The following MAGI1 variants were observed in gnomAD, a reference collection of about 807,000 sequenced individuals.
The protein encoded by MAGI1 is membrane associated guanylate kinase, WW and PDZ domain containing 1.
In MAGI1, 58 loss-of-function variants were observed where a neutral mutation model predicts 139.9. That is an observed-to-expected ratio of 0.41 (90% CI 0.34 to 0.52). MAGI1 has a LOEUF of 0.52. Ranked by LOEUF, MAGI1 falls within the 20% of genes least tolerant of loss-of-function variation. MAGI1 has a pLI of 0.12. For synonymous variants in MAGI1, 812 were observed against 737.9 expected (o/e 1.10, Z -1.63); for missense variants, 1,874 against 1,901.6 (o/e 0.99, Z 0.27).
chr3:65,800,231 G>T (rs1040502018), intron 1 of MAGI1, among the ~76,000 whole-genome samples: 7 of 152,128 alleles, frequency 4.6e-5, no homozygotes, highest in African/African-American at 1.7e-4. Flanking sequence ...TGCTAATCCT[G>T]ATCATCAGCT....
intron 18 of MAGI1, among the ~76,000 whole-genome samples, chr3:65,372,645 G>A (rs1942115881): frequency 6.6e-6 from 1 of 152,132 alleles, no homozygotes. Context: ...ATAGAAGACT[G>A]TTTTGTCTAC....
At chr3:65,564,369 C>A (rs988425907) in intron 2 of MAGI1, among the ~76,000 whole-genome samples, 1 of 152,104 alleles carries the variant, frequency 6.6e-6, no homozygotes, top group Non-Finnish European at 1.5e-5. Context: ...CCATCTTCTG[C>A]CCCTGTTTTT....
chr3:65,783,442 G>A (rs2039098456), intron 1 of MAGI1, among the ~76,000 whole-genome samples: 1 of 151,830 alleles, frequency 6.6e-6, no homozygotes, highest in Non-Finnish European at 1.5e-5. Context: ...GAGGCCAGGA[G>A]ATCAAGACAA....
intron 1 of MAGI1, among the ~76,000 whole-genome samples, chr3:65,916,762 G>C (rs2108706082): frequency 6.6e-6 from 1 of 151,696 alleles, no homozygotes; most frequent in Non-Finnish European, 1.5e-5. Context: ...TCTTACTTAA[G>C]TACATGTATC....
chr3:65,731,665 A>T lies in MAGI1; in HGVS notation c.314-109577T>A, dbSNP rs78223956. Among the ~76,000 whole-genome samples, 339 of 52,750 alleles carry T rather than the reference A, an allele frequency of 6.4e-3. 1 individual carries two copies. Among genetic ancestry groups the T allele is most frequent in the African/African-American group, 0.021 (232 of 10,844 alleles). The allele number at this position is 52,750 out of a possible 152,430, so 34.6% of individuals were successfully genotyped here. On this transcript the variant is annotated intron_variant, in intron 1 of 22. Coordinates refer to ENST00000402939, the MANE Select transcript of MAGI1 (RefSeq NM_001033057.2). Reference sequence around the variant, plus strand: ...GTGAGACTCTGTCTCAAAAAATTTAAAAAAAAAAAAAAAAAGAAAGAAAGA... The same window carrying T: ...GTGAGACTCTGTCTCAAAAAATTTATAAAAAAAAAAAAAAAGAAAGAAAGA...
At chr3:65,443,539 G>A (rs971709909) in intron 7 of MAGI1, among the ~76,000 whole-genome samples, 2 of 152,186 alleles carry the variant, frequency 1.3e-5, no homozygotes, top group African/African-American at 4.8e-5. Context: ...ACTCAACCAT[G>A]CTCTACAGAA....
chr3:65,762,975 A>G (rs1260934560), intron 1 of MAGI1, among the ~76,000 whole-genome samples: 1 of 152,180 alleles, frequency 6.6e-6, no homozygotes, highest in Non-Finnish European at 1.5e-5. Flanking sequence ...AATGGAAACA[A>G]CACCTGTTTC....
chr3:65,408,314 A>T (rs968350446), intron 12 of MAGI1, among the ~76,000 whole-genome samples: 2 of 152,222 alleles, frequency 1.3e-5, no homozygotes, highest in South Asian at 4.1e-4. Flanking sequence ...TCTTTCTTGG[A>T]AAGATTTAAA....
intron 1 of MAGI1, among the ~76,000 whole-genome samples, chr3:65,672,646 G>A (rs546799976): frequency 6.6e-6 from 1 of 152,300 alleles, no homozygotes; most frequent in East Asian, 1.9e-4. Context: ...AGGAGAAAAT[G>A]TCCTGGATTA....
At chr3:65,799,803 A>C (rs967745103) in intron 1 of MAGI1, among the ~76,000 whole-genome samples, 1 of 152,208 alleles carries the variant, frequency 6.6e-6, no homozygotes, top group Non-Finnish European at 1.5e-5. Context: ...TGATGTTTCC[A>C]CAACTTTTGA....
At chr3:65,597,540 C>A (rs2082274146) in intron 2 of MAGI1, 4 of 407,226 alleles carry the variant, frequency 9.8e-6, no homozygotes, top group South Asian at 3.5e-5. Flanking sequence ...GCCAAACGGG[C>A]CTGCCTGGTG....
At chr3:65,839,070 A>T (rs980284303) in intron 1 of MAGI1, among the ~76,000 whole-genome samples, 19 of 152,186 alleles carry the variant, frequency 1.2e-4, no homozygotes, top group African/African-American at 4.3e-4. Flanking sequence ...CAGTTCTGAG[A>T]CATCTTTATA....
intron 2 of MAGI1, among the ~76,000 whole-genome samples, chr3:65,493,927 G>A (rs886264383): frequency 6.6e-6 from 1 of 152,070 alleles, no homozygotes; most frequent in African/African-American, 2.4e-5. Flanking sequence ...GAATAAAAAA[G>A]GTGAACTGGA....
At chr3:65,481,062 G>T (rs1365036719) in intron 3 of MAGI1, among the ~76,000 whole-genome samples, 1 of 152,052 alleles carries the variant, frequency 6.6e-6, no homozygotes, top group East Asian at 1.9e-4. Context: ...AGAGCATCAC[G>T]TTCAAATTTG....
At chr3:65,364,975 T>C (rs371216291) in intron 18 of MAGI1, 29 bp from the exon 19 acceptor site, 4 of 1,584,046 alleles carry the variant, frequency 2.5e-6, no homozygotes, top group Non-Finnish European at 3.5e-6. Flanking sequence ...CATAAAGAAA[T>C]GAAGACCCCA....
intron 1 of MAGI1, among the ~76,000 whole-genome samples, chr3:65,732,118 G>A (rs991748366): frequency 1.3e-5 from 2 of 152,092 alleles, no homozygotes; most frequent in South Asian, 2.1e-4. Context: ...GAAATAAAAC[G>A]AATTCAGTCT....
At chr3:65,473,775 T>C (rs1445222195) in intron 4 of MAGI1, among the ~76,000 whole-genome samples, 2 of 151,608 alleles carry the variant, frequency 1.3e-5, no homozygotes, top group Non-Finnish European at 1.5e-5. Flanking sequence ...AGCAACGAGA[T>C]CTTACTTTAA....
rs1325317799 is a variant in MAGI1, at chr3:65,437,207, A to T, written c.1311T>A (p.Ile437=). 1 of 1,612,640 alleles carries T rather than the reference A, an allele frequency of 6.2e-7. No homozygotes were observed. Residue 437 remains isoleucine (I), a synonymous_variant, in exon 10 of 23, where the codon ATT becomes ATA. Coordinates refer to ENST00000402939, the MANE Select transcript of MAGI1 (RefSeq NM_001033057.2). ...EDHSALVPPV[I]PNHPPSNPEP... ...CTGGATTGCTTGGAGGGTGGTTTGGAATAACAGGAGGCACAAGGGCTGAGT... is the reference window on the plus strand; with the variant it reads ...CTGGATTGCTTGGAGGGTGGTTTGGTATAACAGGAGGCACAAGGGCTGAGT...
chr3:65,458,108 G>C (rs9812974), intron 5 of MAGI1, among the ~76,000 whole-genome samples: 5,863 of 152,148 alleles, frequency 0.039, 375 homozygotes, highest in African/African-American at 0.13. Flanking sequence ...GTTCCACAAA[G>C]GTTGTCGCAA....
Sources: allele counts gnomAD v4.1 joint callset (sites outside exome capture counted in the v4.1 genomes callset), GRCh38; gene constraint gnomAD v4.1.1; transcripts MANE v1.5; gene names NCBI Gene and HGNC (gene_info 2026-07-23, HGNC 2026-07-21).